Variants in HVCN1 observed in about 807,000 individuals in gnomAD.
HVCN1 encodes the protein voltage-gated hydrogen channel 1.
In HVCN1, 14 loss-of-function variants were observed where a neutral mutation model predicts 29.2. That is an observed-to-expected ratio of 0.48 (90% confidence interval 0.32 to 0.75). The LOEUF (loss-of-function observed/expected upper bound fraction) is 0.75. HVCN1 is among the 30% of genes least tolerant of loss of function. HVCN1 has a pLI of 0.04. For synonymous variants in HVCN1, 131 were observed against 133.2 expected (o/e 0.98, Z 0.11); for missense variants, 263 against 341.8 (o/e 0.77, Z 1.82).
At chr12:110,682,446 A>G (rs1199974288) in intron 3 of HVCN1, among the ~76,000 whole-genome samples, 1 of 151,748 alleles carries the variant, frequency 6.6e-6, no homozygotes, top group East Asian at 1.9e-4. Context: ...TGACTTGCCC[A>G]CCTTGGCCTC....
chr12:110,651,446 T>C lies in HVCN1; in HGVS notation c.414A>G (p.Val138=). The part of the protein sequence containing the change: ...QPDKNNYAAM[V]FHYMSITILV... ...AGATGGTGATGCTCATGTAGTGGAA[T>C]ACCTGAAGGGGACAAGGAACCACAG... The change falls in exon 6 of 8, where the codon GTA becomes GTG. Residue 138 remains valine, a splice_region_variant and synonymous_variant. Transcript: ENST00000242607. The C allele has an allele frequency of 6.2e-7, 1 of 1,605,342 alleles. No homozygotes were observed.
At chr12:110,670,007 G>C (rs973088821) in intron 3 of HVCN1, among the ~76,000 whole-genome samples, 3 of 152,176 alleles carry the variant, frequency 2.0e-5, no homozygotes, top group Admixed American at 2.0e-4. Context: ...CTGGGTGACA[G>C]AGCGAGACTC....
upstream of HVCN1, among the ~76,000 whole-genome samples, chr12:110,692,657 G>A (rs569688595): frequency 1.3e-5 from 2 of 152,206 alleles, no homozygotes; most frequent in African/African-American, 2.4e-5. Flanking sequence ...CCAGGAGTTC[G>A]AGGCTGCAGT....
intron 1 of HVCN1, among the ~76,000 whole-genome samples, chr12:110,703,890 G>T (rs892872418): frequency 6.6e-6 from 1 of 152,050 alleles, no homozygotes; most frequent in Non-Finnish European, 1.5e-5. Context: ...TCACTATGTT[G>T]GCCAGGCTTC....
intron 5 of HVCN1, among the ~76,000 whole-genome samples, chr12:110,651,845 A>ATATGAAAGGG (rs1216169684): frequency 1.7e-4 from 26 of 152,122 alleles, no homozygotes; most frequent in Non-Finnish European, 2.9e-5. Context: ...GAATGGTGAC[A>ATATGAAAGGG]CCTCCATATG....
rs1014537753 is a variant in HVCN1, at chr12:110,661,657, GC to G, written c.22-210del. ...GTCTATGAGGCAACAGGAAACTCCTGCCCCCAGCAGGCCTGTCACTGTGGTC... is the reference window on the plus strand; with the variant it reads ...GTCTATGAGGCAACAGGAAACTCCTGCCCCAGCAGGCCTGTCACTGTGGTC... On this transcript the variant is annotated intron_variant, in intron 3 of 7. Transcript: ENST00000242607. The surrounding 1 kb of genome is among the most constrained non-coding windows in gnomAD (Gnocchi z 6.2). 6.6e-6 allele frequency among the ~76,000 whole-genome samples: 1 copy of G among 152,202 alleles called. No individual in the cohort carries two copies. The highest frequency in any genetic ancestry group is 1.5e-5 in the Non-Finnish European group (1 of 68,042).
intron 4 of HVCN1, among the ~76,000 whole-genome samples, chr12:110,660,027 C>A (rs1240723047): frequency 6.6e-6 from 1 of 151,266 alleles, no homozygotes; most frequent in African/African-American, 2.4e-5. Flanking sequence ...CATGCCACTG[C>A]ACTCCAGCCT....
intron 5 of HVCN1, among the ~76,000 whole-genome samples, chr12:110,653,419 C>T (rs2067878811): frequency 1.3e-5 from 2 of 152,080 alleles, no homozygotes; most frequent in East Asian, 1.9e-4. Flanking sequence ...GTTAAGTGCT[C>T]CTGCACTCCA....
At chr12:110,700,737 C>G (rs1234403086) in intron 2 of HVCN1, among the ~76,000 whole-genome samples, 2 of 152,202 alleles carry the variant, frequency 1.3e-5, no homozygotes, top group Non-Finnish European at 1.5e-5. Context: ...GGATTACAGG[C>G]ATGAGCCACC....
intron 3 of HVCN1, among the ~76,000 whole-genome samples, chr12:110,672,580 T>C (rs990648762): frequency 6.6e-6 from 1 of 152,182 alleles, no homozygotes; most frequent in African/African-American, 2.4e-5. Context: ...ACTTTGCATT[T>C]TTTTTTCTAA....
intron 3 of HVCN1, among the ~76,000 whole-genome samples, chr12:110,675,781 T>C (rs971639832): frequency 6.6e-6 from 1 of 151,814 alleles, no homozygotes; most frequent in Non-Finnish European, 1.5e-5. Context: ...TGGTGGTGCA[T>C]GCCTATAATC....
At position 110,661,439 on chromosome 12, in the gene HVCN1, G is replaced by A. The variant is rs552782188; in HGVS notation, c.31C>T (p.Arg11Cys). Residue 11 changes from arginine (R) to cysteine (C), a missense_variant, in exon 4 of 8, where the codon CGC becomes TGC. Physicochemically the swap from Arg to Cys is radical, Grantham distance 180. Coordinates refer to ENST00000242607, the MANE Select transcript of HVCN1 (RefSeq NM_032369.4). This position sits in a 1 kb window ranked among gnomAD's most constrained non-coding sequence, Gnocchi z 6.2. MATWDEKAVTRRAKVAPAERM... is the reference protein window; with the variant it reads MATWDEKAVTCRAKVAPAERM... ...TCAGCGGGAGCCACCTTGGCCCTGC[G>A]GGTGACTGCCTAGAAGGCGGGGACA... is the stretch of plus-strand genomic sequence containing the variant. The A allele has an allele frequency of 1.5e-5, 24 of 1,613,926 alleles. No individual in the cohort carries two copies. Among genetic ancestry groups the A allele is most frequent in the African/African-American group, 1.1e-4 (8 of 75,066 alleles).
chr12:110,704,275 T>C (rs922916822), intron 1 of HVCN1, among the ~76,000 whole-genome samples: 20 of 152,150 alleles, frequency 1.3e-4, no homozygotes, highest in African/African-American at 4.3e-4. Flanking sequence ...TATGTACACA[T>C]AATACAGAAT....
chr12:110,657,030 G>A (rs575939566), intron 4 of HVCN1, among the ~76,000 whole-genome samples: 58 of 152,252 alleles, frequency 3.8e-4, no homozygotes, highest in South Asian at 1.2e-3. Context: ...CTATGAAATC[G>A]TCATTCTAAG....
rs749592355 is a variant in HVCN1, at chr12:110,651,344, G to A, written c.516C>T (p.Ile172=). The A allele has an allele frequency of 1.4e-5, 22 of 1,613,670 alleles. No individual in the cohort carries two copies. Among genetic ancestry groups the A allele is most frequent in the Non-Finnish European group, 1.8e-5 (21 of 1,179,680 alleles). Residue 172 remains isoleucine (I), a synonymous_variant, in exon 6 of 8, where the codon ATC becomes ATT. Transcript: ENST00000242607. The part of the protein sequence containing the change: ...RLEFFHHKFE[I]LDAVVVVVSF... ...AGACCACCACCACGACGGCATCCAG[G>A]ATCTCAAACTTGTGGTGAAAGAACT...
chr12:110,653,868 A>G (rs989562541), intron 5 of HVCN1, among the ~76,000 whole-genome samples: 1 of 152,146 alleles, frequency 6.6e-6, no homozygotes, highest in African/African-American at 2.4e-5. Flanking sequence ...GGGATGAGTG[A>G]ATAAAAGTGG....
At chr12:110,690,697 C>G (rs1472219639), upstream of HVCN1, among the ~76,000 whole-genome samples, 1 of 152,058 alleles carries the variant, frequency 6.6e-6, no homozygotes, top group East Asian at 1.9e-4. Context: ...AGACTGGTCT[C>G]GAACTCCTGA....
chr12:110,693,071 G>A (rs193296006), upstream of HVCN1, among the ~76,000 whole-genome samples: 12 of 151,582 alleles, frequency 7.9e-5, no homozygotes, highest in Admixed American at 3.9e-4. Flanking sequence ...TAGAGATGGG[G>A]TCTTGCTTTG....
intron 2 of HVCN1, among the ~76,000 whole-genome samples, chr12:110,697,189 G>A (rs965824693): frequency 1.3e-5 from 2 of 152,056 alleles, no homozygotes; most frequent in African/African-American, 4.8e-5. Flanking sequence ...CTGGGCAGTA[G>A]GATCTGAGTC....
Sources: gnomAD v4.1 joint callset for allele counts (sites outside exome capture counted in the v4.1 genomes callset) on GRCh38, gnomAD v4.1.1 for gene constraint, Gnocchi (gnomAD v3.1) non-coding constraint, MANE v1.5 for transcripts, NCBI Gene and HGNC (gene_info 2026-07-23, HGNC 2026-07-21) for gene names.